CNTNAP2: variants seen among roughly 807,000 people sequenced by gnomAD.
The protein encoded by CNTNAP2 is contactin-associated protein-like 2.
A neutral mutation model predicts 155.2 loss-of-function variants in CNTNAP2; 98 were observed. That is an observed-to-expected ratio of 0.63 (90% confidence interval 0.54 to 0.75). The LOEUF (loss-of-function observed/expected upper bound fraction) is 0.75. Among genes scored for constraint, CNTNAP2 ranks in the 30% least tolerant of loss-of-function variants. The pLI, the probability that CNTNAP2 is intolerant of heterozygous loss-of-function variation, is 0.00. For synonymous variants in CNTNAP2, 651 were observed against 631.2 expected (o/e 1.03, Z -0.47); for missense variants, 1,727 against 1,688.1 (o/e 1.02, Z -0.40).
intron 1 of CNTNAP2, among the ~76,000 whole-genome samples, chr7:146,449,438 G>A (rs1303841281): frequency 1.3e-5 from 2 of 151,982 alleles, no homozygotes; most frequent in African/African-American, 4.8e-5. Flanking sequence ...GAAAATCCAA[G>A]GAATTCACTG....
In CNTNAP2 at chr7:148,419,806, C is replaced by G. The variant is rs1800074541; in HGVS notation, c.*4190C>G. 6.6e-6 allele frequency: 1 copy of G among 152,144 alleles called. No individual in the cohort carries two copies. Among genetic ancestry groups the G allele is most frequent in the African/African-American group, 2.4e-5 (1 of 41,410 alleles). The allele number at this position is 152,144 out of a possible 1,614,324, so 9.4% of individuals were successfully genotyped here. On this transcript the variant is annotated 3_prime_UTR_variant, in exon 24 of 24. Transcript: ENST00000361727. ...ACCATGAGAATTAGCTGACAGCATC[C>G]CCTTTCTCTCTCCCTGCCTTGGTGG...
At chr7:146,457,079 T>A (rs1796565523) in intron 1 of CNTNAP2, among the ~76,000 whole-genome samples, 1 of 152,122 alleles carries the variant, frequency 6.6e-6, no homozygotes, top group Non-Finnish European at 1.5e-5. Context: ...GTTTTGCAGA[T>A]TTTGATGTGG....
chr7:147,910,169 T>C (rs1310878746), intron 14 of CNTNAP2, among the ~76,000 whole-genome samples: 1 of 152,230 alleles, frequency 6.6e-6, no homozygotes, highest in Non-Finnish European at 1.5e-5. Context: ...GTTATAATTT[T>C]TTGTCCTTGT....
At chr7:148,364,986 G>A (rs553988320) in intron 21 of CNTNAP2, among the ~76,000 whole-genome samples, 20 of 152,270 alleles carry the variant, frequency 1.3e-4, no homozygotes, top group South Asian at 2.1e-4. Flanking sequence ...AAGAAACTCC[G>A]AACACATCTG....
intron 13 of CNTNAP2, among the ~76,000 whole-genome samples, chr7:147,873,566 C>T (rs532059672): frequency 1.1e-4 from 16 of 152,168 alleles, no homozygotes; most frequent in East Asian, 9.6e-4. Flanking sequence ...TTAGCTCCCA[C>T]AGGGTCCCTC....
At chr7:148,170,674 G>A (rs890566656) in intron 17 of CNTNAP2, among the ~76,000 whole-genome samples, 2 of 152,220 alleles carry the variant, frequency 1.3e-5, no homozygotes, top group Non-Finnish European at 2.9e-5. Flanking sequence ...TGAGAGAACT[G>A]CAAGGCTTGG....
chr7:148,082,750 C>A (rs1430678807), intron 15 of CNTNAP2, among the ~76,000 whole-genome samples: 1 of 152,168 alleles, frequency 6.6e-6, no homozygotes, highest in African/African-American at 2.4e-5. Context: ...ACCATCTCAG[C>A]TTATTGCAAC....
intron 1 of CNTNAP2, among the ~76,000 whole-genome samples, chr7:146,376,443 A>G (rs1795305184): frequency 6.6e-6 from 1 of 152,126 alleles, no homozygotes; most frequent in Admixed American, 6.5e-5. Flanking sequence ...ACACATAAAT[A>G]AAAAAAGAAA....
At chr7:147,348,978 G>T (rs11974781) in intron 9 of CNTNAP2, among the ~76,000 whole-genome samples, 3,062 of 152,004 alleles carry the variant, frequency 0.02, 104 homozygotes, top group African/African-American at 0.071. Context: ...GATACTAGAG[G>T]CTGAAAGAGT....
intron 1 of CNTNAP2, among the ~76,000 whole-genome samples, chr7:146,733,891 G>A (rs1801568203): frequency 6.6e-6 from 1 of 152,016 alleles, no homozygotes; most frequent in Non-Finnish European, 1.5e-5. Context: ...TTCTTTTTCT[G>A]TTTTTGCAGG....
At chr7:146,198,636 A>G (rs571574218) in intron 1 of CNTNAP2, among the ~76,000 whole-genome samples, 6 of 152,212 alleles carry the variant, frequency 3.9e-5, no homozygotes, top group African/African-American at 1.4e-4. Flanking sequence ...TAAATGTTAT[A>G]CAAAGTGTGT....
At chr7:146,163,585 C>CTATCTATCTATATATATA (rs1354076042) in intron 1 of CNTNAP2, among the ~76,000 whole-genome samples, 4 of 91,212 alleles carry the variant, frequency 4.4e-5, no homozygotes, top group African/African-American at 1.6e-4. Context: ...ATCTATCTAT[C>CTATCTATCTATATATATA]TATATATATA....
chr7:148,113,865 C>G (rs1218749755), intron 15 of CNTNAP2, among the ~76,000 whole-genome samples: 1 of 152,208 alleles, frequency 6.6e-6, no homozygotes, highest in African/African-American at 2.4e-5. Context: ...TCCCTCTCTA[C>G]CTGCCTCATT....
chr7:146,972,173 C>A (rs1258635970), intron 3 of CNTNAP2, among the ~76,000 whole-genome samples: 1 of 152,088 alleles, frequency 6.6e-6, no homozygotes, highest in Non-Finnish European at 1.5e-5. Context: ...AATTAGCACA[C>A]AGCATATTTA....
intron 10 of CNTNAP2, among the ~76,000 whole-genome samples, chr7:147,466,971 A>G (rs968627751): frequency 1.3e-5 from 2 of 152,208 alleles, no homozygotes; most frequent in African/African-American, 4.8e-5. Context: ...CCTTGGGAGA[A>G]TATCTTTTAT....
At chr7:146,299,991 T>C (rs1800579324) in intron 1 of CNTNAP2, among the ~76,000 whole-genome samples, 1 of 152,128 alleles carries the variant, frequency 6.6e-6, no homozygotes. Context: ...ATGGAAGTAA[T>C]ATAAGCTGGT....
intron 3 of CNTNAP2, among the ~76,000 whole-genome samples, chr7:146,882,544 T>C (rs997766545): frequency 9.9e-5 from 15 of 152,068 alleles, no homozygotes; most frequent in African/African-American, 3.6e-4. Flanking sequence ...CCTGCCACCA[T>C]GTGAAGGATG....
chr7:147,355,823 C>T (rs1293339028), intron 9 of CNTNAP2, among the ~76,000 whole-genome samples: 1 of 152,034 alleles, frequency 6.6e-6, no homozygotes, highest in Non-Finnish European at 1.5e-5. Flanking sequence ...AGCCAAGGAC[C>T]ACACGAATTC....
At chr7:147,845,187 T>C (rs1798809325) in intron 13 of CNTNAP2, among the ~76,000 whole-genome samples, 1 of 104,900 alleles carries the variant, frequency 9.5e-6, no homozygotes, top group Non-Finnish European at 2.0e-5. Flanking sequence ...TTCCTCCTTG[T>C]ACCTCTGGTA....
Sources: gnomAD v4.1 joint callset for allele counts (sites outside exome capture counted in the v4.1 genomes callset) on GRCh38, gnomAD v4.1.1 for gene constraint, MANE v1.5 for transcripts, NCBI Gene and HGNC (gene_info 2026-07-23, HGNC 2026-07-21) for gene names.